The following NRXN3 variants were observed in gnomAD, a reference collection of about 807,000 sequenced individuals.
The protein encoded by NRXN3 is neurexin 3.
A neutral mutation model predicts 137.6 loss-of-function variants in NRXN3; 32 were observed. The observed-to-expected ratio is 0.23, with a 90% CI of 0.18 to 0.31. The LOEUF is 0.31. Among genes scored for constraint, NRXN3 ranks in the 10% least tolerant of loss-of-function variants. The pLI, the probability that NRXN3 is intolerant of heterozygous loss-of-function variation, is 1.00. For synonymous variants in NRXN3, 798 were observed against 784.5 expected, an observed-to-expected ratio of 1.02 and a Z score of -0.29; for missense variants, 1,574 against 2,062.5, an observed-to-expected ratio of 0.76 and a Z score of 4.59.
intron 4 of NRXN3, among the ~76,000 whole-genome samples, chr14:78,400,949 C>T (rs1166316066): frequency 6.6e-6 from 1 of 152,174 alleles, no homozygotes; most frequent in Non-Finnish European, 1.5e-5. Context: ...AAATTTATTT[C>T]TCACAGTTCT....
At chr14:78,218,189 C>G (rs2063484738) in intron 1 of NRXN3, among the ~76,000 whole-genome samples, 1 of 151,930 alleles carries the variant, frequency 6.6e-6, no homozygotes, top group South Asian at 2.1e-4. Context: ...AAGACCCTGT[C>G]TCTACAGAAA....
At chr14:78,679,266 C>G (rs951993488) in intron 6 of NRXN3, among the ~76,000 whole-genome samples, 3 of 152,156 alleles carry the variant, frequency 2.0e-5, no homozygotes, top group Non-Finnish European at 4.4e-5. Context: ...ACAATGGAGT[C>G]TGCCAGATCA....
intron 4 of NRXN3, among the ~76,000 whole-genome samples, chr14:78,623,672 T>G (rs1255051938): frequency 6.6e-6 from 1 of 152,200 alleles, no homozygotes; most frequent in East Asian, 1.9e-4. Context: ...GTTCAAGCTA[T>G]TCTCCTGCCT....
At chr14:78,233,137 T>C (rs1361783556) in intron 1 of NRXN3, among the ~76,000 whole-genome samples, 1 of 152,200 alleles carries the variant, frequency 6.6e-6, no homozygotes, top group African/African-American at 2.4e-5. Flanking sequence ...TGTCAAGGCA[T>C]GGTAAGAGGG....
chr14:79,532,547 C>A (rs964304595), intron 16 of NRXN3, among the ~76,000 whole-genome samples: 1 of 152,160 alleles, frequency 6.6e-6, no homozygotes, highest in African/African-American at 2.4e-5. Flanking sequence ...AGGCCAGAGC[C>A]TCTGGATGAG....
intron 4 of NRXN3, among the ~76,000 whole-genome samples, chr14:78,393,233 C>A (rs559253202): frequency 1.3e-5 from 2 of 151,006 alleles, no homozygotes; most frequent in African/African-American, 4.9e-5. Flanking sequence ...TTGAGGTAAT[C>A]GTATATTCAT....
At chr14:79,057,395 AGT>A (rs967831871) in intron 15 of NRXN3, among the ~76,000 whole-genome samples, 4 of 152,212 alleles carry the variant, frequency 2.6e-5, no homozygotes, top group Non-Finnish European at 4.4e-5. Flanking sequence ...ATGTGGATTT[AGT>A]GTGTGTTATT....
rs552399230 is a variant in NRXN3 at position 79,743,273 on chromosome 14, G to A, written c.4014+45336G>A. On this transcript the variant is annotated intron_variant, in intron 19 of 20. Coordinates refer to ENST00000335750, the MANE Select transcript of NRXN3 (RefSeq NM_001330195.2). ...CAGTGACATAGGCTACGTGACTGTC[G>A]GTGGGTCACAACTTCCTAGACTTCA... Among the ~76,000 whole-genome samples the A allele has an allele frequency of 3.6e-4, 55 of 152,228 alleles. 1 individual carries two copies. The South Asian group carries it at 9.2e-3, about 25-fold the overall frequency.
chr14:79,775,197 A>G (rs947761073), intron 19 of NRXN3, among the ~76,000 whole-genome samples: 5 of 152,104 alleles, frequency 3.3e-5, no homozygotes, highest in African/African-American at 7.2e-5. Context: ...TTATATACGA[A>G]TGTGCATAGT....
chr14:78,217,444 C>T (rs10131603), intron 1 of NRXN3, among the ~76,000 whole-genome samples: 2,935 of 152,164 alleles, frequency 0.019, 88 homozygotes, highest in African/African-American at 0.066. Flanking sequence ...GCCAATCATC[C>T]AGCAATGCAA....
chr14:78,747,422 T>C (rs1400499685), intron 8 of NRXN3, among the ~76,000 whole-genome samples: 2 of 152,144 alleles, frequency 1.3e-5, no homozygotes, highest in Admixed American at 1.3e-4. Flanking sequence ...AGTGATCTGC[T>C]AAGGCTAGAT....
intron 4 of NRXN3, among the ~76,000 whole-genome samples, chr14:78,593,514 C>G (rs2097134501): frequency 6.6e-6 from 1 of 152,172 alleles, no homozygotes; most frequent in East Asian, 1.9e-4. Flanking sequence ...GTTATCTGGC[C>G]CTTGTGAGAG....
At chr14:79,466,272 CA>C (rs554114481) in intron 15 of NRXN3, among the ~76,000 whole-genome samples, 2 of 151,638 alleles carry the variant, frequency 1.3e-5, no homozygotes, top group African/African-American at 2.4e-5. Flanking sequence ...CACTAGGGAA[CA>C]AAAAAAAGGT....
chr14:79,438,208 G>A (rs1389503105), intron 15 of NRXN3, among the ~76,000 whole-genome samples: 3 of 152,162 alleles, frequency 2.0e-5, no homozygotes, highest in East Asian at 1.9e-4. Flanking sequence ...TTCCCTCTGC[G>A]TGGGAGTGCT....
At chr14:79,305,955 A>G (rs965892676) in intron 15 of NRXN3, among the ~76,000 whole-genome samples, 1 of 152,114 alleles carries the variant, frequency 6.6e-6, no homozygotes, top group South Asian at 2.1e-4. Context: ...CTCTAAATCT[A>G]TGGAAACTTC....
intron 4 of NRXN3, among the ~76,000 whole-genome samples, chr14:78,420,124 A>G (rs1196873301): frequency 6.6e-6 from 1 of 152,200 alleles, no homozygotes; most frequent in Non-Finnish European, 1.5e-5. Context: ...TATTTGTCCC[A>G]AGTTGACTTG....
intron 5 of NRXN3, among the ~76,000 whole-genome samples, chr14:78,649,623 T>A (rs2097720951): frequency 6.6e-6 from 1 of 151,926 alleles, no homozygotes; most frequent in East Asian, 1.9e-4. Context: ...GTTTTCTTAT[T>A]TTACAACTTC....
chr14:79,528,024 G>A (rs185015037), intron 16 of NRXN3, among the ~76,000 whole-genome samples: 42 of 152,198 alleles, frequency 2.8e-4, no homozygotes, highest in Admixed American at 2.5e-3. Flanking sequence ...AATTGCTATA[G>A]TCTCCCTAGT....
At chr14:79,630,401 T>C (rs2098332554) in intron 16 of NRXN3, among the ~76,000 whole-genome samples, 1 of 152,208 alleles carries the variant, frequency 6.6e-6, no homozygotes, top group Non-Finnish European at 1.5e-5. Flanking sequence ...TGAGAAAACA[T>C]TCCTTCAAGA....
Sources: allele counts gnomAD v4.1 joint callset (sites outside exome capture counted in the v4.1 genomes callset), GRCh38; gene constraint gnomAD v4.1.1; transcripts MANE v1.5; gene names NCBI Gene and HGNC (gene_info 2026-07-23, HGNC 2026-07-21).